Variants in PIK3C2G observed in about 807,000 individuals in gnomAD.
PIK3C2G encodes the protein phosphatidylinositol 3-kinase C2 domain-containing subunit gamma.
In PIK3C2G, 168 loss-of-function variants were observed where a neutral mutation model predicts 181.1. The observed-to-expected ratio is 0.93, with a 90% confidence interval of 0.82 to 1.05. The LOEUF is 1.05. Among genes scored for constraint, PIK3C2G ranks in the 50% least tolerant of loss-of-function variants. The probability of loss-of-function intolerance (pLI) is 0.00; values close to 1 mark genes in which losing one functional copy is unlikely to be tolerated. For synonymous variants in PIK3C2G, 573 were observed against 592.2 expected (o/e 0.97, Z 0.47); for missense variants, 1,869 against 1,732.8 (o/e 1.08, Z -1.40).
chr12:18,461,105 T>TTA (rs1350435329), intron 18 of PIK3C2G, among the ~76,000 whole-genome samples: 2 of 152,068 alleles, frequency 1.3e-5, no homozygotes, highest in Non-Finnish European at 2.9e-5. Flanking sequence ...GCGTGGTATT[T>TTA]TATATATATA....
At chr12:18,668,813 A>G in the PIK3C2G span, among the ~76,000 whole-genome samples, 8 of 152,176 alleles carry the variant, frequency 5.3e-5, no homozygotes, top group African/African-American at 1.7e-4. Context: ...GCTCTGATAC[A>G]TATCTACTCA....
intron 18 of PIK3C2G, among the ~76,000 whole-genome samples, chr12:18,436,972 C>T (rs1005146312): frequency 6.6e-6 from 1 of 151,908 alleles, no homozygotes; most frequent in Non-Finnish European, 1.5e-5. Context: ...GTTAAGCAAC[C>T]ACTTACCATC....
At chr12:18,385,994 C>A (rs1025831459) in intron 14 of PIK3C2G, among the ~76,000 whole-genome samples, 1 of 152,078 alleles carries the variant, frequency 6.6e-6, no homozygotes, top group Admixed American at 6.5e-5. Context: ...TCCCTCTGCT[C>A]TTCTTGGCAC....
At chr12:18,504,026 C>A (rs989740864) in intron 23 of PIK3C2G, among the ~76,000 whole-genome samples, 4 of 152,140 alleles carry the variant, frequency 2.6e-5, no homozygotes, top group Admixed American at 1.3e-4. Flanking sequence ...TGATCTAGTA[C>A]AGCTGGGTCC....
intron 18 of PIK3C2G, among the ~76,000 whole-genome samples, chr12:18,439,790 A>C (rs563652897): frequency 6.6e-6 from 1 of 152,222 alleles, no homozygotes; most frequent in South Asian, 2.1e-4. Flanking sequence ...ATATTGCTTT[A>C]AAACTAAACA....
intron 31 of PIK3C2G, among the ~76,000 whole-genome samples, chr12:18,637,924 C>T (rs1949675501): frequency 6.6e-6 from 1 of 152,162 alleles, no homozygotes; most frequent in Non-Finnish European, 1.5e-5. Context: ...TTTCTGATTC[C>T]CCAAGCTTCA....
intron 18 of PIK3C2G, among the ~76,000 whole-genome samples, chr12:18,448,625 T>C (rs1048484355): frequency 5.3e-5 from 8 of 152,070 alleles, no homozygotes; most frequent in African/African-American, 1.9e-4. Flanking sequence ...AAAAGTAAAA[T>C]TGTACAGTAT....
the PIK3C2G span, among the ~76,000 whole-genome samples, chr12:18,665,795 C>T: frequency 6.6e-6 from 1 of 151,922 alleles, no homozygotes; most frequent in Admixed American, 6.6e-5. Context: ...ATTAGCCAGG[C>T]GTAGTGGTGC....
chr12:18,653,904 C>G, the PIK3C2G span, among the ~76,000 whole-genome samples: 89,961 of 151,778 alleles, frequency 0.59, 26,866 homozygotes, highest in East Asian at 0.72. Flanking sequence ...CCCCAAAATT[C>G]AGAAAGCAAT....
intron 18 of PIK3C2G, among the ~76,000 whole-genome samples, chr12:18,459,560 C>CTGTT (rs1592313730): frequency 6.6e-6 from 1 of 152,196 alleles, no homozygotes; most frequent in East Asian, 1.9e-4. Flanking sequence ...GGCATCTTTC[C>CTGTT]TGTTAGGAAC....
intron 31 of PIK3C2G, among the ~76,000 whole-genome samples, chr12:18,612,776 G>A (rs1948408973): frequency 6.6e-6 from 1 of 152,070 alleles, no homozygotes. Flanking sequence ...ATATTAAAAT[G>A]AATTATTATG....
intron 24 of PIK3C2G, among the ~76,000 whole-genome samples, chr12:18,513,765 CG>C (rs1372738923): frequency 6.6e-6 from 1 of 151,426 alleles, no homozygotes; most frequent in Admixed American, 6.6e-5. Context: ...ATCTAGTAAA[CG>C]GTTTGTATTT....
At chr12:18,693,224 G>A in the PIK3C2G span, 1,499 of 1,567,684 alleles carry the variant, frequency 9.6e-4, 11 homozygotes, top group African/African-American at 0.015. Context: ...CTGGCTGCTC[G>A]GTCAGGCTCA....
intron 14 of PIK3C2G, among the ~76,000 whole-genome samples, chr12:18,383,980 TA>T (rs1306834093): frequency 7.3e-6 from 1 of 137,786 alleles, no homozygotes; most frequent in African/African-American, 2.7e-5. Flanking sequence ...TTTTTATTAT[TA>T]TTATTATTTT....
At chr12:18,266,614 G>A (rs1948511219) in intron 1 of PIK3C2G, among the ~76,000 whole-genome samples, 1 of 152,070 alleles carries the variant, frequency 6.6e-6, no homozygotes, top group Admixed American at 6.6e-5. Flanking sequence ...AAAGGTTTGT[G>A]AGCACTTACA....
chr12:18,627,916 C>A (rs537442099), intron 31 of PIK3C2G, among the ~76,000 whole-genome samples: 31 of 152,238 alleles, frequency 2.0e-4, no homozygotes, highest in Admixed American at 1.9e-3. Flanking sequence ...ATGAAAAATT[C>A]TCATAAATTA....
At chr12:18,709,399 A>G in the PIK3C2G span, among the ~76,000 whole-genome samples, 2 of 152,140 alleles carry the variant, frequency 1.3e-5, no homozygotes, top group Admixed American at 6.6e-5. Context: ...GCACAGGACC[A>G]TGCTGTATTG....
chr12:18,512,728 G>A (rs1375893502), intron 24 of PIK3C2G, among the ~76,000 whole-genome samples: 1 of 151,746 alleles, frequency 6.6e-6, no homozygotes, highest in East Asian at 1.9e-4. Context: ...TATATATCAT[G>A]TCACCAGCAA....
At chr12:18,412,714 T>TAAACCA (rs1270033595) in intron 16 of PIK3C2G, among the ~76,000 whole-genome samples, 1 of 152,208 alleles carries the variant, frequency 6.6e-6, no homozygotes, top group African/African-American at 2.4e-5. Context: ...ATCATTCACA[T>TAAACCA]AAACCAAAAC....
Sources: gnomAD v4.1 joint callset for allele counts (sites outside exome capture counted in the v4.1 genomes callset) on GRCh38, gnomAD v4.1.1 for gene constraint, MANE v1.5 for transcripts, NCBI Gene and HGNC (gene_info 2026-07-23, HGNC 2026-07-21) for gene names.